SLC24A1: variants seen among roughly 807,000 people sequenced by gnomAD.
SLC24A1 encodes the protein sodium/potassium/calcium exchanger 1.
Under a neutral mutation model 88.1 loss-of-function variants are expected in SLC24A1, and 52 were observed. The observed-to-expected ratio is 0.59, with a 90% CI of 0.47 to 0.74. SLC24A1 has a LOEUF of 0.74. Among genes scored for constraint, SLC24A1 ranks in the 30% least tolerant of loss-of-function variants. The pLI is 0.00. For synonymous variants in SLC24A1, 455 were observed against 498.0 expected, an observed-to-expected ratio of 0.91 and a Z score of 1.15; for missense variants, 1,173 against 1,363.3, an observed-to-expected ratio of 0.86 and a Z score of 2.20.
At position 65,616,104 on chromosome 15, in the gene SLC24A1, A is replaced by C. The variant is rs192143766; in HGVS notation, c.-227-2776A>C. 2.4e-4 allele frequency among the ~76,000 whole-genome samples: 36 copies of C among 152,140 alleles called. No individual in the cohort carries two copies. The East Asian group carries it at 6.8e-3, about 29-fold the overall frequency. ...TAGTATTCCATGGTGTATATGTGCC[A>C]CATTTTCTTAATCCAGTCTATCATT... On this transcript the variant is annotated intron_variant, in intron 2 of 11. Coordinates refer to the SLC24A1 transcript ENST00000537259.
At position 65,624,655 on chromosome 15, in the gene SLC24A1, C is replaced by T; in HGVS notation, c.575C>T (p.Pro192Leu). 1.3e-6 allele frequency: 2 copies of T among 1,595,920 alleles called. No homozygotes were observed. Residue 192 changes from proline (P) to leucine (L), a missense_variant, in exon 2 of 10, where the codon CCA (proline) becomes CTA (leucine). Transcript: ENST00000261892. ...GAAAAGGTGAAGTATACTCCTTCCC[C>T]ACGTGGTAGAAGAGTAGGCACTTAC... The part of the protein sequence containing the change: ...VREKVKYTPS[P>L]RGRRVGTYVP...
rs1456712540 is a variant in SLC24A1 at position 65,650,553 on chromosome 15, G to A, written c.2404G>A (p.Gly802Arg). 5 of 1,551,716 alleles carry A rather than the reference G, an allele frequency of 3.2e-6. No individual in the cohort carries two copies. Among genetic ancestry groups the A allele is most frequent in the African/African-American group, 1.4e-5 (1 of 73,018 alleles). ...ATGTGAAGATGAAAATGAAGCAGAA[G>A]GAAAAGGAGACAATGAAGGTGAAGA... ...EECEDENEAE[G>R]KGDNEGEDEG... is the part of the protein sequence containing the mutation. The change falls in exon 7 of 10, where the codon GGA (glycine) becomes AGA (arginine). Residue 802 changes from glycine to arginine, a missense_variant. Transcript: ENST00000261892. This position sits in a 1 kb window ranked among gnomAD's most constrained non-coding sequence, Gnocchi z 4.1.
Position 65,654,766 on chromosome 15 carries a change from C to A in SLC24A1, c.*687C>A. The A allele has an allele frequency of 9.0e-7, 1 of 1,114,670 alleles. No individual in the cohort carries two copies. The highest frequency in any genetic ancestry group is 1.2e-6 in the Non-Finnish European group (1 of 841,182). The allele number at this position is 1,114,670 out of a possible 1,614,324, so 69.0% of individuals were successfully genotyped here. On this transcript the variant is annotated 3_prime_UTR_variant, in exon 10 of 10. Transcript: ENST00000261892. ...TGTTGCCCAGGCTGGTGTGCAATGG[C>A]GTGATCTCGGCACACCACAACCTTC...
rs2075677697 is a variant in SLC24A1, at chr15:65,656,158, T to G, written c.*2079T>G. ...TCACCCACAGCCTGGGATCTGACGTTCTTCCTCAGACTGGAGTAAGGAGTG... is the reference window on the plus strand; with the variant it reads ...TCACCCACAGCCTGGGATCTGACGTGCTTCCTCAGACTGGAGTAAGGAGTG... On this transcript the variant is annotated 3_prime_UTR_variant, in exon 10 of 10. Coordinates refer to ENST00000261892, the MANE Select transcript of SLC24A1 (RefSeq NM_004727.3). The G allele has an allele frequency of 2.0e-6, 2 of 985,430 alleles. No individual in the cohort carries two copies. The highest frequency in any genetic ancestry group is 2.4e-6 in the Non-Finnish European group (2 of 829,928). The allele number at this position is 985,430 out of a possible 1,614,324, so 61.0% of individuals were successfully genotyped here. A position where few individuals can be genotyped will look rare whatever the true frequency, so the allele number is the denominator to read the frequency against.
chr15:65,656,950 A>G (rs1217377871), downstream of SLC24A1, among the ~76,000 whole-genome samples: 1 of 152,196 alleles, frequency 6.6e-6, no homozygotes, highest in Non-Finnish European at 1.5e-5. Flanking sequence ...GGCTCACTGT[A>G]GCCTCACCTT....
intron 1 of SLC24A1, among the ~76,000 whole-genome samples, chr15:65,622,748 T>C (rs2074362441): frequency 6.6e-6 from 1 of 151,926 alleles, no homozygotes; most frequent in Non-Finnish European, 1.5e-5. Flanking sequence ...CTTTTCTTTT[T>C]TTTTTTTCTT....
intron 4 of SLC24A1, 21 bp downstream of exon 4, chr15:65,639,724 C>T: frequency 1.3e-6 from 2 of 1,535,236 alleles, no homozygotes; most frequent in Non-Finnish European, 1.8e-6. Flanking sequence ...CCTCTCCAGA[C>T]CTTTGTGGTT....
At chr15:65,618,222 T>C (rs1274626018), upstream of SLC24A1, among the ~76,000 whole-genome samples, 1 of 152,200 alleles carries the variant, frequency 6.6e-6, no homozygotes, top group East Asian at 1.9e-4. Flanking sequence ...TACGTATGTA[T>C]GTATATATGT....
At chr15:65,634,031 G>A (rs897868339) in intron 2 of SLC24A1, among the ~76,000 whole-genome samples, 1 of 152,198 alleles carries the variant, frequency 6.6e-6, no homozygotes, top group African/African-American at 2.4e-5. Flanking sequence ...GGTGTGGGCT[G>A]TGAGGGAGAG....
Position 65,650,808 on chromosome 15 carries a change from G to A in SLC24A1, c.2659G>A (p.Glu887Lys). Residue 887 changes from glutamate (E) to lysine (K), a missense_variant, in exon 7 of 10, where the codon GAA (glutamate) becomes AAA (lysine). Physicochemically the swap from Glu to Lys is moderately conservative, Grantham distance 56 (BLOSUM62 1). Transcript: ENST00000261892. The surrounding 1 kb of genome is among the most constrained non-coding windows in gnomAD (Gnocchi z 4.1). Reference protein sequence around the residue: ...EQEEEEEEEEEEEEKGNEEPL... With the variant: ...EQEEEEEEEEKEEEKGNEEPL... ...GGAGGAAGAGGAGGAGGAGGAGGAG[G>A]AAGAGGAGGAGAAGGGAAATGAAGA... is the stretch of plus-strand genomic sequence containing the variant. 6.2e-7 allele frequency: 1 copy of A among 1,613,632 alleles called. No homozygotes were observed. The highest frequency in any genetic ancestry group is 1.1e-5 in the South Asian group (1 of 91,020).
At chr15:65,658,480 C>T (rs761355718), downstream of SLC24A1, 3 of 152,182 alleles carry the variant, frequency 2.0e-5, no homozygotes, top group Non-Finnish European at 4.4e-5. Flanking sequence ...CTGCACATCA[C>T]CAAACAAATA....
chr15:65,645,261 C>T (rs2075264998), intron 5 of SLC24A1, among the ~76,000 whole-genome samples: 1 of 152,228 alleles, frequency 6.6e-6, no homozygotes, highest in African/African-American at 2.4e-5. Flanking sequence ...TTGGAATCAG[C>T]AGGATCCTTC....
In SLC24A1 at chr15:65,650,945, G is replaced by A. The variant is rs1308094161; in HGVS notation, c.2793+3G>A. 1 of 1,613,266 alleles carries A rather than the reference G, an allele frequency of 6.2e-7. No homozygotes were observed. The highest frequency in any genetic ancestry group is 8.5e-7 in the Non-Finnish European group (1 of 1,179,388). ...CAGTCCCCGACGTCCGAAGGCAGGT[G>A]AGTGTGCCCATCTGTATCTCAGACT... On this transcript the variant is annotated splice_donor_region_variant and intron_variant, in intron 7 of 9. Transcript: ENST00000261892. This position sits in a 1 kb window ranked among gnomAD's most constrained non-coding sequence, Gnocchi z 4.1.
chr15:65,650,324 C>T lies in SLC24A1; in HGVS notation c.2233-58C>T, dbSNP rs564888415. ...CGCCAACAAAAAAATGGGGGAGTAA[C>T]ATAAGGAAAACAAGCAGAGCAGTTA... On this transcript the variant is annotated intron_variant, in intron 6 of 9. Coordinates refer to ENST00000261892, the MANE Select transcript of SLC24A1 (RefSeq NM_004727.3). The surrounding 1 kb of genome is among the most constrained non-coding windows in gnomAD (Gnocchi z 4.1). 1 of 1,411,526 alleles carries T rather than the reference C, an allele frequency of 7.1e-7. No homozygotes were observed. Among genetic ancestry groups the T allele is most frequent in the East Asian group, 2.5e-5 (1 of 39,886 alleles). The allele number at this position is 1,411,526 out of a possible 1,614,324, so 87.4% of individuals were successfully genotyped here. A position where few individuals can be genotyped will look rare whatever the true frequency, so the allele number is the denominator to read the frequency against.
Position 65,654,903 on chromosome 15 carries a change from C to T in SLC24A1, c.*824C>T. 1 of 1,131,238 alleles carries T rather than the reference C, an allele frequency of 8.8e-7. No individual in the cohort carries two copies. Among genetic ancestry groups the T allele is most frequent in the Non-Finnish European group, 1.1e-6 (1 of 913,732 alleles). 70.1% of individuals were successfully genotyped at this position (1,131,238 alleles called of 1,614,324 possible). A position where few individuals can be genotyped will look rare whatever the true frequency, so the allele number is the denominator to read the frequency against. ...GTCAGCCACCGCGCCTGGCCTATAC[C>T]AGTATTTTCTAGTTTAAAGGAGGAC... On this transcript the variant is annotated 3_prime_UTR_variant, in exon 10 of 10. Coordinates refer to ENST00000261892, the MANE Select transcript of SLC24A1 (RefSeq NM_004727.3).
At chr15:65,615,018 C>G (rs2074091613) in intron 2 of SLC24A1, among the ~76,000 whole-genome samples, 1 of 152,180 alleles carries the variant, frequency 6.6e-6, no homozygotes, top group African/African-American at 2.4e-5. Flanking sequence ...CTGTTCGAGA[C>G]TAGCCTGGGC....
chr15:65,641,361 TAAAC>T (rs530631938), intron 4 of SLC24A1, among the ~76,000 whole-genome samples: 3,626 of 146,758 alleles, frequency 0.025, 109 homozygotes, highest in African/African-American at 0.077. Flanking sequence ...CATCTCTAAA[TAAAC>T]AAACAAACAA....
At chr15:65,613,122 A>G (rs1046662732) in intron 2 of SLC24A1, among the ~76,000 whole-genome samples, 2 of 152,204 alleles carry the variant, frequency 1.3e-5, no homozygotes, top group Admixed American at 1.3e-4. Context: ...TCCCCACTCA[A>G]ACGACCCTCA....
chr15:65,650,686 A>G lies in SLC24A1; in HGVS notation c.2537A>G (p.Lys846Arg). Residue 846 changes from lysine to arginine, a missense_variant, in exon 7 of 10, where the codon AAA (lysine) becomes AGA (arginine). Lys to Arg is a conservative substitution (Grantham distance 26). Coordinates refer to ENST00000261892, the MANE Select transcript of SLC24A1 (RefSeq NM_004727.3). The surrounding 1 kb of genome is among the most constrained non-coding windows in gnomAD (Gnocchi z 4.1). ...ENHGEAKNDE[K>R]GVEDGGGSDG... ...CACGGTGAAGCCAAAAATGATGAGA[A>G]AGGTGTAGAAGATGGAGGGGGAAGT... is the stretch of plus-strand genomic sequence containing the variant. 1 of 1,547,242 alleles carries G rather than the reference A, an allele frequency of 6.5e-7. No homozygotes were observed. Among genetic ancestry groups the G allele is most frequent in the Non-Finnish European group, 8.7e-7 (1 of 1,143,848 alleles).
Sources: allele counts gnomAD v4.1 joint callset (sites outside exome capture counted in the v4.1 genomes callset), GRCh38; gene constraint gnomAD v4.1.1; non-coding constraint Gnocchi (gnomAD v3.1); transcripts MANE v1.5; gene names NCBI Gene and HGNC (gene_info 2026-07-23, HGNC 2026-07-21).